SNAP29: variants seen among roughly 807,000 people sequenced by gnomAD.
SNAP29 encodes the protein synaptosome associated protein 29, also known as synaptosomal-associated protein 29.
A neutral mutation model predicts 27.9 loss-of-function variants in SNAP29; 13 were observed. That is an observed-to-expected ratio of 0.47 (90% CI 0.30 to 0.74). The LOEUF (loss-of-function observed/expected upper bound fraction) is 0.74. SNAP29 is among the 30% of genes least tolerant of loss of function. The probability of loss-of-function intolerance (pLI) is 0.06; values close to 1 mark genes in which losing one functional copy is unlikely to be tolerated. For missense variants in SNAP29, 368 were observed against 336.5 expected (o/e 1.09, Z -0.73); for synonymous variants, 119 against 127.1 (o/e 0.94, Z 0.43).
rs1228890899 is a variant in SNAP29, at chr22:20,889,122, T to C, written c.*1286T>C. ...TTGAAGATGGTGAAAGTGACTGATT[T>C]TAATAATGAGATAGGTCACTTAAAA... On this transcript the variant is annotated 3_prime_UTR_variant, in exon 5 of 5. Transcript: ENST00000215730. The C allele has an allele frequency of 6.6e-6, 1 of 152,214 alleles. No homozygotes were observed. Among genetic ancestry groups the C allele is most frequent in the Non-Finnish European group, 1.5e-5 (1 of 68,042 alleles). The allele number at this position is 152,214 out of a possible 1,614,324, so 9.4% of individuals were successfully genotyped here. A position where few individuals can be genotyped will look rare whatever the true frequency, so the allele number is the denominator to read the frequency against.
intron 4 of SNAP29, among the ~76,000 whole-genome samples, chr22:20,887,237 A>AG (rs1391563464): frequency 6.6e-6 from 1 of 151,872 alleles, no homozygotes; most frequent in Non-Finnish European, 1.5e-5. Flanking sequence ...AAAAAAAAAA[A>AG]ACAAAAAACT....
At position 20,859,031 on chromosome 22, in the gene SNAP29, G is replaced by T; in HGVS notation, c.-80G>T. The T allele has an allele frequency of 7.2e-7, 1 of 1,392,496 alleles. No individual in the cohort carries two copies. The highest frequency in any genetic ancestry group is 2.0e-4 in the Middle Eastern group (1 of 5,116). The allele number at this position is 1,392,496 out of a possible 1,614,324, so 86.3% of individuals were successfully genotyped here. Reference sequence around the variant, plus strand: ...AGTTCGCGCGACGACCGCGGGGTCGGCGGGCGGGGCGAGGCCCTGGACGGC... The same window carrying T: ...AGTTCGCGCGACGACCGCGGGGTCGTCGGGCGGGGCGAGGCCCTGGACGGC... On this transcript the variant is annotated 5_prime_UTR_variant, in exon 1 of 5. Coordinates refer to ENST00000215730, the MANE Select transcript of SNAP29 (RefSeq NM_004782.4).
chr22:20,870,531 C>A lies in SNAP29; in HGVS notation c.432C>A (p.Asn144Lys). 1 of 1,613,544 alleles carries A rather than the reference C, an allele frequency of 6.2e-7. No individual in the cohort carries two copies. Among genetic ancestry groups the A allele is most frequent in the Non-Finnish European group, 8.5e-7 (1 of 1,179,610 alleles). Residue 144 changes from asparagine to lysine, a missense_variant and splice_region_variant, in exon 2 of 5, where the codon AAC (asparagine) becomes AAA (lysine). Coordinates refer to ENST00000215730, the MANE Select transcript of SNAP29 (RefSeq NM_004782.4). ...GCACCCTCACCTCCCAGCCCAACAA[C>A]AGGTGAGTGCATCTTCTACCATCTG... ...QNGTLTSQPNNRLKEAISTSK... is the reference protein window; with the variant it reads ...QNGTLTSQPNKRLKEAISTSK...
intron 4 of SNAP29, among the ~76,000 whole-genome samples, chr22:20,886,113 T>TTC (rs1491537500): frequency 8.7e-6 from 1 of 115,172 alleles, no homozygotes; most frequent in Non-Finnish European, 1.7e-5. Flanking sequence ...AAGACTTATC[T>TTC]TTTTTTTTTT....
At chr22:20,875,074 G>GGAA (rs1239525304) in intron 2 of SNAP29, among the ~76,000 whole-genome samples, 1 of 152,108 alleles carries the variant, frequency 6.6e-6, no homozygotes, top group Admixed American at 6.6e-5. Flanking sequence ...TGAAAGCCAT[G>GGAA]GAAGTCCTGT....
At chr22:20,875,870 TG>T (rs61433299) in intron 2 of SNAP29, among the ~76,000 whole-genome samples, 2 of 147,710 alleles carry the variant, frequency 1.4e-5, no homozygotes, top group African/African-American at 2.5e-5. Flanking sequence ...AAAAAAAAAA[TG>T]GGGGGGCGGC....
intron 1 of SNAP29, among the ~76,000 whole-genome samples, chr22:20,867,288 C>T (rs1311738195): frequency 6.6e-6 from 1 of 151,882 alleles, no homozygotes; most frequent in Non-Finnish European, 1.5e-5. Context: ...GTTCAGGGAC[C>T]TCATTCTCCC....
chr22:20,884,020 A>G (rs1928953881), intron 4 of SNAP29, among the ~76,000 whole-genome samples: 1 of 152,168 alleles, frequency 6.6e-6, no homozygotes, highest in Non-Finnish European at 1.5e-5. Flanking sequence ...AGCCTCCAGC[A>G]TGATGTTTCA....
chr22:20,872,520 C>T (rs1363128729), intron 2 of SNAP29, among the ~76,000 whole-genome samples: 1 of 152,132 alleles, frequency 6.6e-6, no homozygotes, highest in African/African-American at 2.4e-5. Context: ...CCTGCCTCAG[C>T]CTCCCGAGTA....
In SNAP29 at chr22:20,874,287, G is replaced by A. The variant is rs569908753; in HGVS notation, c.434+3754G>A. 3.5e-3 allele frequency among the ~76,000 whole-genome samples: 521 copies of A among 150,554 alleles called. 3 individuals carry two copies. The highest frequency in any genetic ancestry group is 6.8e-3 in the Middle Eastern group (2 of 292). On this transcript the variant is annotated intron_variant, in intron 2 of 4. Coordinates refer to ENST00000215730, the MANE Select transcript of SNAP29 (RefSeq NM_004782.4). Reference sequence around the variant, plus strand: ...ACTGCACTCCAGCCTGGGCGACAGAGCAAGACTCTGACACACACAGACACA... The same window carrying A: ...ACTGCACTCCAGCCTGGGCGACAGAACAAGACTCTGACACACACAGACACA...
At chr22:20,872,601 C>A (rs1309874887) in intron 2 of SNAP29, among the ~76,000 whole-genome samples, 1 of 151,998 alleles carries the variant, frequency 6.6e-6, no homozygotes, top group African/African-American at 2.4e-5. Flanking sequence ...GGGGTTTCAC[C>A]GTGTTAGCCA....
Position 20,890,222 on chromosome 22 carries a change from G to A in SNAP29, c.*2386G>A. ...TGCATTTTCACAGAGAATGAAGGAA[G>A]ACGTAACATGGCTCCAGAAACTTTT... On this transcript the variant is annotated 3_prime_UTR_variant, in exon 5 of 5. Coordinates refer to ENST00000215730, the MANE Select transcript of SNAP29 (RefSeq NM_004782.4). 5.0e-6 allele frequency: 2 copies of A among 398,480 alleles called. No individual in the cohort carries two copies. The highest frequency in any genetic ancestry group is 4.4e-6 in the Non-Finnish European group (1 of 226,028). 24.7% of individuals were successfully genotyped at this position (398,480 alleles called of 1,614,324 possible). A position where few individuals can be genotyped will look rare whatever the true frequency, so the allele number is the denominator to read the frequency against.
Position 20,859,189 on chromosome 22 carries a change from G to A in SNAP29, c.79G>A (p.Asp27Asn). 1 of 1,602,852 alleles carries A rather than the reference G, an allele frequency of 6.2e-7. No individual in the cohort carries two copies. ...AGGCGCCCGGCCGGCCCCTTGGAGG[G>A]ACGCCCGAGACCTCCCCGACGGGCC... Reference protein sequence around the residue: ...DEGARPAPWRDARDLPDGPDA... With the variant: ...DEGARPAPWRNARDLPDGPDA... Residue 27 changes from aspartate to asparagine, a missense_variant, in exon 1 of 5, where the codon GAC becomes AAC. Physicochemically the swap from Asp to Asn is conservative, Grantham distance 23. Transcript: ENST00000215730.
intron 1 of SNAP29, among the ~76,000 whole-genome samples, chr22:20,861,362 CG>C (rs2147858889): frequency 6.6e-6 from 1 of 151,956 alleles, no homozygotes; most frequent in African/African-American, 2.4e-5. Flanking sequence ...TCCACCACCT[CG>C]GCCTCCCAAA....
intron 2 of SNAP29, among the ~76,000 whole-genome samples, chr22:20,872,549 T>C (rs1193772967): frequency 2.0e-5 from 3 of 152,184 alleles, no homozygotes; most frequent in East Asian, 1.9e-4. Flanking sequence ...TACAGGCGCC[T>C]GCCACCATGC....
At chr22:20,872,493 C>T (rs913044600) in intron 2 of SNAP29, among the ~76,000 whole-genome samples, 3 of 152,058 alleles carry the variant, frequency 2.0e-5, no homozygotes, top group Non-Finnish European at 4.4e-5. Context: ...CTCCGCCTCC[C>T]GGGTTCATGC....
chr22:20,872,561 T>C (rs2147865471), intron 2 of SNAP29, among the ~76,000 whole-genome samples: 1 of 152,128 alleles, frequency 6.6e-6, no homozygotes, highest in African/African-American at 2.4e-5. Context: ...CCACCATGCC[T>C]GGCTAATTTT....
rs1273741410 is a variant in SNAP29, at chr22:20,888,456, T to G, written c.*620T>G. The G allele has an allele frequency of 1.2e-5, 2 of 164,588 alleles. No homozygotes were observed. Among genetic ancestry groups the G allele is most frequent in the Admixed American group, 5.8e-5 (1 of 17,306 alleles). 10.2% of individuals were successfully genotyped at this position (164,588 alleles called of 1,614,324 possible). A position where few individuals can be genotyped will look rare whatever the true frequency, so the allele number is the denominator to read the frequency against. On this transcript the variant is annotated 3_prime_UTR_variant, in exon 5 of 5. Coordinates refer to ENST00000215730, the MANE Select transcript of SNAP29 (RefSeq NM_004782.4). ...CATCTTGCTCTTTTGTTGGCAGATG[T>G]CCCCGCTTCCCTCCAGCCCCCCATC...
rs534931954 is a variant in SNAP29, at chr22:20,859,018, G to A, written c.-93G>A. ...GACGCGCGGAAGGAGTTCGCGCGACGACCGCGGGGTCGGCGGGCGGGGCGA... is the reference window on the plus strand; with the variant it reads ...GACGCGCGGAAGGAGTTCGCGCGACAACCGCGGGGTCGGCGGGCGGGGCGA... On this transcript the variant is annotated 5_prime_UTR_variant, in exon 1 of 5. Coordinates refer to ENST00000215730, the MANE Select transcript of SNAP29 (RefSeq NM_004782.4). 9 of 1,373,922 alleles carry A rather than the reference G, an allele frequency of 6.6e-6. 1 individual carries two copies. In the East Asian group the frequency reaches 1.5e-4, roughly 23 times the overall value. The allele number at this position is 1,373,922 out of a possible 1,614,324, so 85.1% of individuals were successfully genotyped here. A position where few individuals can be genotyped will look rare whatever the true frequency, so the allele number is the denominator to read the frequency against.
Sources: gnomAD v4.1 joint callset for allele counts (sites outside exome capture counted in the v4.1 genomes callset) on GRCh38, gnomAD v4.1.1 for gene constraint, MANE v1.5 for transcripts, NCBI Gene and HGNC (gene_info 2026-07-23, HGNC 2026-07-21) for gene names.